Variants in PPIP5K1 observed in about 807,000 individuals in gnomAD.
PPIP5K1 encodes the protein diphosphoinositol pentakisphosphate kinase 1, also known as inositol hexakisphosphate and diphosphoinositol-pentakisphosphate kinase 1.
A neutral mutation model predicts 27.7 loss-of-function variants in PPIP5K1; 6 were observed. The ratio of observed to expected loss-of-function variants is 0.22; its 90% CI spans 0.12 to 0.43. PPIP5K1 has a LOEUF of 0.43. Ranked by LOEUF, PPIP5K1 falls within the 20% of genes least tolerant of loss-of-function variation. The probability of loss-of-function intolerance (pLI) is 1.00; values close to 1 mark genes in which losing one functional copy is unlikely to be tolerated. For synonymous variants in PPIP5K1, 145 were observed against 242.6 expected (o/e 0.60, Z 3.74); for missense variants, 394 against 635.4 (o/e 0.62, Z 4.08).
chr15:43,581,132 A>C lies in PPIP5K1; in HGVS notation c.940-9T>G. On this transcript the variant is annotated splice_polypyrimidine_tract_variant and intron_variant, in intron 9 of 31. Transcript: ENST00000420765. The stretch of plus-strand genomic sequence containing the variant: ...AATCCACAAACTGTTTGCTGCAAGG[A>C]AAAGAAGAAAGATGAGAACAAGACA... The C allele has an allele frequency of 2.6e-6, 4 of 1,556,442 alleles. No individual in the cohort carries two copies. The South Asian group carries it at 4.5e-5, about 17-fold the overall frequency.
At chr15:43,538,840 G>C (rs756636593) in intron 31 of PPIP5K1, among the ~76,000 whole-genome samples, 9 of 152,140 alleles carry the variant, frequency 5.9e-5, no homozygotes, top group Non-Finnish European at 1.2e-4. Context: ...TAAATATCTA[G>C]GTTGTCTGCT....
intron 29 of PPIP5K1, among the ~76,000 whole-genome samples, chr15:43,559,176 C>T (rs896279104): frequency 3.7e-4 from 56 of 152,164 alleles, no homozygotes; most frequent in Non-Finnish European, 5.6e-4. Context: ...ACCTTTCATG[C>T]TACCTATGGA....
At chr15:43,535,614 TA>T (rs1224802815) in intron 31 of PPIP5K1, 138 bp from the exon 32 acceptor site, 1 of 712,298 alleles carries the variant, frequency 1.4e-6, no homozygotes, top group African/African-American at 1.8e-5. Context: ...CTTCCTAAGT[TA>T]AGCAGAGACT....
Position 43,539,494 on chromosome 15 carries a change from G to T in PPIP5K1, c.3646C>A (p.Gln1216Lys). 6.2e-7 allele frequency: 1 copy of T among 1,603,532 alleles called. No homozygotes were observed. The part of the protein sequence containing the change: ...TLHSPPLQLQ[Q>K]RSEKPPWYSS... ...CACCAAGGGGGCTTCTCAGAGCGCT[G>T]CTGGAGTTGCAGGGGAGGTGAATGA... The change falls in exon 31 of 32, where the codon CAG (glutamine) becomes AAG (lysine). Residue 1216 changes from glutamine to lysine, a missense_variant. By Grantham distance (53) the Gln-to-Lys change is moderately conservative (BLOSUM62 1). This residue lies in a region of PPIP5K1 where 379 missense variants were observed against 423.9 expected (regional missense o/e 0.89). Transcript: ENST00000420765.
intron 30 of PPIP5K1, among the ~76,000 whole-genome samples, chr15:43,546,464 T>C (rs2081378884): frequency 6.6e-6 from 1 of 151,990 alleles, no homozygotes; most frequent in Non-Finnish European, 1.5e-5. Context: ...GACTGGCTAA[T>C]TTTTTTATTT....
intron 30 of PPIP5K1, among the ~76,000 whole-genome samples, chr15:43,541,046 T>G (rs2080629039): frequency 6.6e-6 from 1 of 152,132 alleles, no homozygotes; most frequent in Admixed American, 6.6e-5. Context: ...CATCCAAACA[T>G]GAACCATGCA....
intron 31 of PPIP5K1, 108 bp from the exon 32 acceptor site, chr15:43,535,584 G>A (rs1595673588): frequency 2.2e-6 from 2 of 915,620 alleles, no homozygotes; most frequent in South Asian, 3.6e-5. Flanking sequence ...CTTATGTCTT[G>A]AGGGAAGAGT....
Position 43,536,374 on chromosome 15 carries a change from G to T in PPIP5K1, c.3671-898C>A, listed in dbSNP as rs2079860026. ...GTGGAGGTTGCAGTGAGCCGAAATT[G>T]TGCCACTATACTCCAGCCTGGGCAA... is the stretch of plus-strand genomic sequence containing the variant. On this transcript the variant is annotated intron_variant, in intron 31 of 31. Coordinates refer to ENST00000420765, the MANE Select transcript of PPIP5K1 (RefSeq NM_001394395.1). 5 of 207,948 alleles carry T rather than the reference G, an allele frequency of 2.4e-5. No homozygotes were observed. The South Asian group carries it at 2.9e-4, about 12-fold the overall frequency. The allele number at this position is 207,948 out of a possible 1,614,324, so 12.9% of individuals were successfully genotyped here. A position where few individuals can be genotyped will look rare whatever the true frequency, so the allele number is the denominator to read the frequency against.
At chr15:43,552,781 A>G (rs980908309) in intron 30 of PPIP5K1, among the ~76,000 whole-genome samples, 1 of 151,928 alleles carries the variant, frequency 6.6e-6, no homozygotes, top group Non-Finnish European at 1.5e-5. Flanking sequence ...GGTGGCTCAC[A>G]CCTATAATCC....
chr15:43,557,498 G>A (rs1264231878), intron 30 of PPIP5K1, among the ~76,000 whole-genome samples: 1 of 152,100 alleles, frequency 6.6e-6, no homozygotes, highest in East Asian at 1.9e-4. Context: ...GAGAGGCCAA[G>A]GCAGGAGGAT....
chr15:43,544,874 G>A (rs487282), intron 30 of PPIP5K1, among the ~76,000 whole-genome samples: 2 of 152,066 alleles, frequency 1.3e-5, no homozygotes, highest in Non-Finnish European at 2.9e-5. Context: ...CTTCAGAATA[G>A]ATTCTTAAAA....
At chr15:43,545,006 G>A (rs2081194989) in intron 30 of PPIP5K1, among the ~76,000 whole-genome samples, 2 of 151,822 alleles carry the variant, frequency 1.3e-5, no homozygotes, top group African/African-American at 2.4e-5. Context: ...GTGAAACCCC[G>A]TCCCTACTAA....
At chr15:43,544,940 A>T (rs1432517473) in intron 30 of PPIP5K1, among the ~76,000 whole-genome samples, 1 of 152,178 alleles carries the variant, frequency 6.6e-6, no homozygotes, top group Non-Finnish European at 1.5e-5. Context: ...GCACTTTGGG[A>T]GGCAGAGGTG....
intron 31 of PPIP5K1, among the ~76,000 whole-genome samples, chr15:43,537,147 C>T (rs1294793442): frequency 6.6e-6 from 1 of 150,842 alleles, no homozygotes; most frequent in Non-Finnish European, 1.5e-5. Context: ...CCAGCCTGAC[C>T]AACATAGTGA....
chr15:43,543,126 C>T (rs908474722), intron 30 of PPIP5K1, among the ~76,000 whole-genome samples: 2 of 151,560 alleles, frequency 1.3e-5, no homozygotes, highest in African/African-American at 4.9e-5. Context: ...AAAATTGGTT[C>T]TTGGTGGGGG....
intron 30 of PPIP5K1, among the ~76,000 whole-genome samples, chr15:43,544,191 G>C (rs1048765949): frequency 4.0e-5 from 6 of 151,654 alleles, no homozygotes; most frequent in African/African-American, 1.5e-4. Flanking sequence ...TTTTGTTTCT[G>C]GTTTATACTT....
intron 26 of PPIP5K1, among the ~76,000 whole-genome samples, chr15:43,567,409 C>T (rs1236152098): frequency 1.5e-4 from 1 of 6,888 alleles, no homozygotes; most frequent in Non-Finnish European, 2.5e-4. Flanking sequence ...TGAGCCACTG[C>T]GCCTGGCCAG....
Position 43,535,271 on chromosome 15 carries a change from T to C in PPIP5K1, c.3876A>G (p.Glu1292=). 1.2e-6 allele frequency: 2 copies of C among 1,614,132 alleles called. No homozygotes were observed. The highest frequency in any genetic ancestry group is 1.7e-6 in the Non-Finnish European group (2 of 1,180,012). The part of the protein sequence containing the change: ...LSIEGEQELF[E]PNQSPQVPPM... ...GTGGCACCTGTGGGGACTGATTTGG[T>C]TCAAAAAGCTCTTGCTCCCCTTCTA... The change falls in exon 32 of 32, where the codon GAA becomes GAG. Residue 1292 remains glutamate, a synonymous_variant. Coordinates refer to ENST00000420765, the MANE Select transcript of PPIP5K1 (RefSeq NM_001394395.1).
intron 30 of PPIP5K1, among the ~76,000 whole-genome samples, chr15:43,540,326 G>A (rs953965272): frequency 1.3e-5 from 2 of 151,782 alleles, no homozygotes; most frequent in African/African-American, 4.8e-5. Context: ...CACTTTGGGA[G>A]GCCAAGGTGG....
Sources: allele counts gnomAD v4.1 joint callset (sites outside exome capture counted in the v4.1 genomes callset), GRCh38; gene constraint gnomAD v4.1.1; regional missense constraint gnomAD v4.1.1; transcripts MANE v1.5; gene names NCBI Gene and HGNC (gene_info 2026-07-23, HGNC 2026-07-21).